Variants in MPP2 observed in about 807,000 individuals in gnomAD.
MPP2 encodes the protein MAGUK p55 subfamily member 2.
Under a neutral mutation model 58.5 loss-of-function variants are expected in MPP2, and 42 were observed. The ratio of observed to expected loss-of-function variants is 0.72; its 90% confidence interval spans 0.56 to 0.93. MPP2 has a LOEUF of 0.93. Ranked by LOEUF, MPP2 falls within the 40% of genes least tolerant of loss-of-function variation. The pLI is 0.00. For missense variants in MPP2, 632 were observed against 760.4 expected, an observed-to-expected ratio of 0.83 and a Z score of 1.99; for synonymous variants, 300 against 307.8, an observed-to-expected ratio of 0.97 and a Z score of 0.26.
In MPP2 at chr17:43,881,356, C is replaced by G; in HGVS notation, c.814-7G>C. 1.2e-6 allele frequency: 2 copies of G among 1,614,134 alleles called. No homozygotes were observed. Among genetic ancestry groups the G allele is most frequent in the South Asian group, 2.2e-5 (2 of 91,084 alleles). On this transcript the variant is annotated splice_polypyrimidine_tract_variant and splice_region_variant and intron_variant, in intron 7 of 12. Transcript: ENST00000269095. ...CCCCTTCGACATGGCATGCCTAAAA[C>G]GGACATGAGACCAAGATCTGCCTGA... is the stretch of plus-strand genomic sequence containing the variant.
In MPP2 at chr17:43,881,116, A is replaced by G; in HGVS notation, c.962T>C (p.Met321Thr). 3 of 1,613,640 alleles carry G rather than the reference A, an allele frequency of 1.9e-6. No individual in the cohort carries two copies. Among genetic ancestry groups the G allele is most frequent in the Non-Finnish European group, 2.5e-6 (3 of 1,179,888 alleles). ...GSLSGKKKKR[M>T]MYLTTKNAEF... is the part of the protein sequence containing the mutation. The stretch of plus-strand genomic sequence containing the variant: ...TGCATTCTTGGTGGTCAAATACATC[A>G]TTCGCTTCTTTTTCTTTCCTGAAAG... The change falls in exon 9 of 13, where the codon ATG becomes ACG. Residue 321 changes from methionine to threonine, a missense_variant. Met to Thr is a moderately conservative substitution (Grantham distance 81, BLOSUM62 -1). Transcript: ENST00000269095.
chr17:43,903,007 C>T (rs2048154281), intron 2 of MPP2, among the ~76,000 whole-genome samples: 1 of 152,170 alleles, frequency 6.6e-6, no homozygotes, highest in African/African-American at 2.4e-5. Context: ...AAGAACAGGC[C>T]AGGTGTGGTG....
At chr17:43,883,665 T>C (rs990834593) in intron 3 of MPP2, among the ~76,000 whole-genome samples, 4 of 152,182 alleles carry the variant, frequency 2.6e-5, no homozygotes, top group Non-Finnish European at 5.9e-5. Context: ...GGACCCTATA[T>C]GCATTGGCGT....
chr17:43,890,228 C>T (rs2047550184), intron 3 of MPP2, among the ~76,000 whole-genome samples: 1 of 152,112 alleles, frequency 6.6e-6, no homozygotes, highest in Non-Finnish European at 1.5e-5. Context: ...TTTTTACTCA[C>T]TATTATTTTG....
chr17:43,902,040 TATA>T (rs1196280504), intron 2 of MPP2, among the ~76,000 whole-genome samples: 1 of 152,062 alleles, frequency 6.6e-6, no homozygotes, highest in African/African-American at 2.4e-5. Context: ...CTGTGGGAAG[TATA>T]ATGACCACCA....
At chr17:43,892,982 TGATGGATG>T (rs6146066) in intron 3 of MPP2, among the ~76,000 whole-genome samples, 8,245 of 150,266 alleles carry the variant, frequency 0.055, 289 homozygotes, top group African/African-American at 0.077. Flanking sequence ...AATAGGTATT[TGATGGATG>T]GATGGATGGA....
Position 43,882,490 on chromosome 17 carries a change from C to T in MPP2, c.475G>A (p.Gly159Ser). ...EHLGVTFRVE[G>S]GELVIARILH... ...ATGCGCGCGATCACCAGCTCGCCGC[C>T]CTCCACGCGGAACGTTACACCCTGG... Residue 159 changes from glycine to serine, a missense_variant, in exon 6 of 13, where the codon GGC becomes AGC. Gly to Ser is a moderately conservative substitution (Grantham distance 56). Coordinates refer to ENST00000269095, the MANE Select transcript of MPP2 (RefSeq NM_005374.5). 6.2e-7 allele frequency: 1 copy of T among 1,604,762 alleles called. No homozygotes were observed. The highest frequency in any genetic ancestry group is 1.3e-5 in the African/African-American group (1 of 75,030).
At chr17:43,909,146 A>G (rs371879126), upstream of MPP2, among the ~76,000 whole-genome samples, 597 of 152,058 alleles carry the variant, frequency 3.9e-3, 4 homozygotes, top group African/African-American at 0.014. Flanking sequence ...GGCTCGTCGC[A>G]ACCTCTGCCT....
intron 3 of MPP2, among the ~76,000 whole-genome samples, chr17:43,886,250 C>G (rs1355088433): frequency 6.6e-6 from 1 of 152,030 alleles, no homozygotes; most frequent in Non-Finnish European, 1.5e-5. Context: ...AGAAATCACT[C>G]CATGAAACTG....
At chr17:43,899,409 G>A (rs1032190707) in intron 2 of MPP2, among the ~76,000 whole-genome samples, 4 of 152,124 alleles carry the variant, frequency 2.6e-5, no homozygotes, top group African/African-American at 9.7e-5. Context: ...CAAGCAGGCA[G>A]CCACACAGGA....
At position 43,881,477 on chromosome 17, in the gene MPP2, T is replaced by A. The variant is rs1214227038; in HGVS notation, c.794A>T (p.Asp265Val). 1 of 1,614,096 alleles carries A rather than the reference T, an allele frequency of 6.2e-7. No homozygotes were observed. Among genetic ancestry groups the A allele is most frequent in the South Asian group, 1.1e-5 (1 of 91,076 alleles). ...AGDLLQIVNQDDANWWQACHV... is the reference protein window; with the variant it reads ...AGDLLQIVNQVDANWWQACHV... The stretch of plus-strand genomic sequence containing the variant: ...GCTCACCTGCCACCAGTTGGCATCA[T>A]CCTGGTTTACGATCTGGAGCAAGTC... Residue 265 changes from aspartate (D) to valine (V), a missense_variant, in exon 7 of 13, where the codon GAT (aspartate) becomes GTT (valine). By Grantham distance (152) the Asp-to-Val change is radical. Coordinates refer to ENST00000269095, the MANE Select transcript of MPP2 (RefSeq NM_005374.5).
chr17:43,905,158 C>G (rs1288164502), intron 1 of MPP2, among the ~76,000 whole-genome samples: 8 of 149,846 alleles, frequency 5.3e-5, no homozygotes. Context: ...GCCTGGGCAA[C>G]AGAGCAAGAA....
intron 3 of MPP2, among the ~76,000 whole-genome samples, chr17:43,889,969 C>T (rs1417395019): frequency 2.0e-5 from 3 of 151,830 alleles, no homozygotes; most frequent in Non-Finnish European, 2.9e-5. Context: ...TGCACCACCA[C>T]GCCTGGCTAA....
At chr17:43,907,316 C>T in intron 1 of MPP2, 158 bp downstream of exon 1, 13 of 985,390 alleles carry the variant, frequency 1.3e-5, no homozygotes, top group Non-Finnish European at 1.6e-5. Context: ...GAAAGAGGGC[C>T]CAGGGGCGGG....
chr17:43,890,985 C>T (rs1243686756), intron 3 of MPP2, among the ~76,000 whole-genome samples: 4 of 152,200 alleles, frequency 2.6e-5, no homozygotes, highest in Non-Finnish European at 4.4e-5. Context: ...TTTTAAGCCA[C>T]GACACAGCAC....
At chr17:43,909,700 G>C, upstream of MPP2, 1 of 976,192 alleles carries the variant, frequency 1.0e-6, no homozygotes, top group Non-Finnish European at 1.4e-6. Context: ...CTCTAATAAA[G>C]GCCTTGCAGA....
rs2143546958 is a variant in MPP2 at position 43,881,238 on chromosome 17, TCCTA to T, written c.919+2_919+5del. ...TTGGAGGTGTGGGGTAGGGGGGACC[TCCTA>T]CCTGAGTTTGGTGTCAGCTCCAGGT... On this transcript the variant is annotated splice_donor_variant and splice_donor_5th_base_variant and intron_variant, in intron 8 of 12. Transcript: ENST00000269095. LOFTEE classifies it high-confidence loss of function. 1 of 1,612,752 alleles carries T rather than the reference TCCTA, an allele frequency of 6.2e-7. No individual in the cohort carries two copies. Among genetic ancestry groups the T allele is most frequent in the Non-Finnish European group, 8.5e-7 (1 of 1,178,866 alleles).
At chr17:43,907,268 A>G (rs999489779) in intron 1 of MPP2, 16 of 984,894 alleles carry the variant, frequency 1.6e-5, no homozygotes, top group Admixed American at 6.2e-5. Context: ...ACCAGTGTCA[A>G]TGGGCAGCGG....
Position 43,883,318 on chromosome 17 carries a change from A to G in MPP2, c.188T>C (p.Val63Ala). 6.2e-7 allele frequency: 1 copy of G among 1,612,730 alleles called. No individual in the cohort carries two copies. The highest frequency in any genetic ancestry group is 8.5e-7 in the Non-Finnish European group (1 of 1,179,884). Residue 63 changes from valine (V) to alanine (A), a missense_variant, in exon 4 of 13, where the codon GTG (valine) becomes GCG (alanine). Physicochemically the swap from Val to Ala is moderately conservative, Grantham distance 64 (BLOSUM62 0). Coordinates refer to ENST00000269095, the MANE Select transcript of MPP2 (RefSeq NM_005374.5). ...ERLEETKLEA[V>A]RDNNLELVQE... Reference sequence around the variant, plus strand: ...CACCAGCTCCAGGTTGTTGTCTCTCACGGCCTCCAGCTTCGTCTCCTCCAG... The same window carrying G: ...CACCAGCTCCAGGTTGTTGTCTCTCGCGGCCTCCAGCTTCGTCTCCTCCAG...
Sources: allele counts gnomAD v4.1 joint callset (sites outside exome capture counted in the v4.1 genomes callset), GRCh38; gene constraint gnomAD v4.1.1; transcripts MANE v1.5; gene names NCBI Gene and HGNC (gene_info 2026-07-23, HGNC 2026-07-21).